CHMP5: variants seen among roughly 807,000 people sequenced by gnomAD.
CHMP5 encodes the protein SNF7 domain containing 2.
CHMP5 carries 17 observed loss-of-function variants against 33.0 expected under a neutral mutation model. The ratio of observed to expected loss-of-function variants is 0.52; its 90% CI spans 0.35 to 0.77. The LOEUF (loss-of-function observed/expected upper bound fraction) is 0.77, where lower values mean the gene tolerates loss of function less well. Among genes scored for constraint, CHMP5 ranks in the 30% least tolerant of loss-of-function variants. The pLI, the probability that CHMP5 is intolerant of heterozygous loss-of-function variation, is 0.01. For synonymous variants in CHMP5, 76 were observed against 90.2 expected (o/e 0.84, Z 0.89); for missense variants, 216 against 261.5 (o/e 0.83, Z 1.20).
chr9:33,270,932 A>C (rs7468805), intron 4 of CHMP5, among the ~76,000 whole-genome samples: 8,626 of 152,180 alleles, frequency 0.057, 273 homozygotes, highest in East Asian at 0.095. Context: ...AAATACAAAA[A>C]TTAGCTGGGT....
chr9:33,280,667 C>G, intron 7 of CHMP5, 142 bp from the exon 8 acceptor site: 1 of 648,674 alleles, frequency 1.5e-6, no homozygotes, highest in Non-Finnish European at 2.6e-6. Context: ...CATGAAAAAG[C>G]TTGTTCTCAT....
intron 7 of CHMP5, among the ~76,000 whole-genome samples, chr9:33,279,577 G>T (rs978143744): frequency 6.6e-6 from 1 of 152,054 alleles, no homozygotes; most frequent in Non-Finnish European, 1.5e-5. Flanking sequence ...ACAAGTCCCT[G>T]TAGCGGCCAG....
At chr9:33,267,530 C>T (rs1175369025) in intron 2 of CHMP5, among the ~76,000 whole-genome samples, 2 of 152,076 alleles carry the variant, frequency 1.3e-5, no homozygotes, top group Non-Finnish European at 2.9e-5. Flanking sequence ...ATGGGCTGTA[C>T]AAGTGAAGAA....
At chr9:33,268,592 C>T (rs923562362) in intron 3 of CHMP5, among the ~76,000 whole-genome samples, 11 of 152,188 alleles carry the variant, frequency 7.2e-5, no homozygotes, top group Admixed American at 5.9e-4. Flanking sequence ...TGCCATCTTC[C>T]TCCTTTTAGA....
chr9:33,273,016 A>C (rs927994938), intron 5 of CHMP5, among the ~76,000 whole-genome samples: 3 of 152,138 alleles, frequency 2.0e-5, no homozygotes, highest in Non-Finnish European at 4.4e-5. Context: ...TCTGTCACCA[A>C]GGCTGGAGTG....
At chr9:33,278,458 A>G (rs1820881053) in intron 7 of CHMP5, among the ~76,000 whole-genome samples, 1 of 152,378 alleles carries the variant, frequency 6.6e-6, no homozygotes, top group East Asian at 1.9e-4. Flanking sequence ...TTTGTGTAAC[A>G]TACATGATCA....
intron 4 of CHMP5, 135 bp downstream of exon 4, chr9:33,270,851 G>A (rs1320081632): frequency 6.9e-6 from 5 of 720,644 alleles, no homozygotes; most frequent in African/African-American, 3.6e-5. Context: ...GGAGGCTGAG[G>A]TGGGTGGATC....
intron 5 of CHMP5, among the ~76,000 whole-genome samples, chr9:33,273,476 G>A (rs1254369005): frequency 6.6e-6 from 1 of 152,014 alleles, no homozygotes; most frequent in Non-Finnish European, 1.5e-5. Context: ...TCCTTTTCCT[G>A]TCCTCCAATA....
intron 5 of CHMP5, 51 bp downstream of exon 5, chr9:33,271,274 T>G: frequency 7.0e-7 from 1 of 1,418,896 alleles, no homozygotes; most frequent in Non-Finnish European, 1.0e-6. Flanking sequence ...TCTGAGAGAA[T>G]CCAAACGAGT....
chr9:33,280,366 C>T (rs573047803), intron 7 of CHMP5, among the ~76,000 whole-genome samples: 2 of 152,306 alleles, frequency 1.3e-5, no homozygotes, highest in African/African-American at 4.8e-5. Context: ...ATGTCGCTGC[C>T]TATGATTATA....
rs752933348 is a variant in CHMP5, at chr9:33,266,017, G to A, written c.77G>A (p.Ser26Asn). Residue 26 changes from serine to asparagine, a missense_variant, in exon 2 of 8, where the codon AGT (serine) becomes AAT (asparagine). Physicochemically the swap from Ser to Asn is conservative, Grantham distance 46. Transcript: ENST00000223500. ...SLTDCIGTVD[S>N]RAESIDKKIS... ...TTGATATTTTCCCCTAAGGTGGACA[G>A]TAGAGCAGAATCCATTGACAAGAAG... 1 of 1,610,220 alleles carries A rather than the reference G, an allele frequency of 6.2e-7. No homozygotes were observed. Among genetic ancestry groups the A allele is most frequent in the South Asian group, 1.1e-5 (1 of 91,014 alleles).
intron 2 of CHMP5, among the ~76,000 whole-genome samples, 194 bp from the exon 3 acceptor site, chr9:33,267,655 CAGAT>C (rs1820742770): frequency 6.6e-6 from 1 of 152,074 alleles, no homozygotes; most frequent in South Asian, 2.1e-4. Context: ...GATGCAAAGA[CAGAT>C]AGGAGCAAAG....
Position 33,278,228 on chromosome 9 carries a change from G to A in CHMP5, c.609+3G>A. ...TTCCCACTGATACAAAAAACAAGGT[G>A]AAAGCTTTTTCTGTTTATATTTCAA... On this transcript the variant is annotated splice_donor_region_variant and intron_variant, in intron 7 of 7. Coordinates refer to ENST00000223500, the MANE Select transcript of CHMP5 (RefSeq NM_016410.6). 1 of 1,565,900 alleles carries A rather than the reference G, an allele frequency of 6.4e-7. No individual in the cohort carries two copies. Among genetic ancestry groups the A allele is most frequent in the Non-Finnish European group, 8.8e-7 (1 of 1,139,640 alleles).
intron 7 of CHMP5, among the ~76,000 whole-genome samples, chr9:33,279,320 G>A (rs1820893253): frequency 6.6e-6 from 1 of 152,156 alleles, no homozygotes; most frequent in Non-Finnish European, 1.5e-5. Flanking sequence ...AAATGTGAGA[G>A]CAAAGGGCAG....
chr9:33,278,709 A>G (rs2118050684), intron 7 of CHMP5, among the ~76,000 whole-genome samples: 2 of 152,206 alleles, frequency 1.3e-5, no homozygotes, highest in South Asian at 4.1e-4. Context: ...TAATAATTTA[A>G]GCATAAAACT....
Position 33,276,463 on chromosome 9 carries a change from A to G in CHMP5, c.395A>G (p.Gln132Arg). 1.3e-6 allele frequency: 2 copies of G among 1,592,198 alleles called. No individual in the cohort carries two copies. The highest frequency in any genetic ancestry group is 1.7e-6 in the Non-Finnish European group (2 of 1,162,218). Residue 132 changes from glutamine (Q) to arginine (R), a missense_variant, in exon 6 of 8, where the codon CAA (glutamine) becomes CGA (arginine). Gln to Arg is a conservative substitution (Grantham distance 43). Coordinates refer to ENST00000223500, the MANE Select transcript of CHMP5 (RefSeq NM_016410.6). ...TCATATATATTTCCGTAGGATTTAC[A>G]AGACCAGCTAGAGGATATGATGGAA... The part of the protein sequence containing the change: ...QVKIDQIEDL[Q>R]DQLEDMMEDA...
Position 33,276,523 on chromosome 9 carries a change from G to C in CHMP5, c.455G>C (p.Ser152Thr). ...ANEIQEALSR[S>T]YGTPELDEDD... ...GAAATCCAAGAAGCACTGAGTCGCA[G>C]TTATGGCACCCCAGAACTGGATGAA... Residue 152 changes from serine to threonine, a missense_variant, in exon 6 of 8, where the codon AGT becomes ACT. Transcript: ENST00000223500. 1 of 1,610,632 alleles carries C rather than the reference G, an allele frequency of 6.2e-7. No individual in the cohort carries two copies. Among genetic ancestry groups the C allele is most frequent in the Non-Finnish European group, 8.5e-7 (1 of 1,177,206 alleles).
Position 33,271,143 on chromosome 9 carries a change from T to G in CHMP5, c.316-9T>G. ...CTAAAACATTGTGTTTTCTTCTTCC[T>G]TTTCTTAGGTTGATGCTATGAAACT... On this transcript the variant is annotated splice_polypyrimidine_tract_variant and intron_variant, in intron 4 of 7. Transcript: ENST00000223500. 6.2e-7 allele frequency: 1 copy of G among 1,602,466 alleles called. No homozygotes were observed. The highest frequency in any genetic ancestry group is 8.5e-7 in the Non-Finnish European group (1 of 1,169,724).
intron 5 of CHMP5, among the ~76,000 whole-genome samples, chr9:33,272,393 CAAAAAAAA>C (rs10710870): frequency 2.4e-4 from 30 of 125,090 alleles, no homozygotes; most frequent in Non-Finnish European, 1.7e-4. Flanking sequence ...GGAGATAAAG[CAAAAAAAA>C]AAAAAAAAAG....
Sources: gnomAD v4.1 joint callset for allele counts (sites outside exome capture counted in the v4.1 genomes callset) on GRCh38, gnomAD v4.1.1 for gene constraint, MANE v1.5 for transcripts, NCBI Gene and HGNC (gene_info 2026-07-23, HGNC 2026-07-21) for gene names.